Variants in ULK4 observed in about 807,000 individuals in gnomAD.
The protein encoded by ULK4 is unc-51 like kinase 4.
In ULK4, 133 loss-of-function variants were observed where a neutral mutation model predicts 160.6. The observed-to-expected ratio is 0.83, with a 90% confidence interval of 0.72 to 0.96. The LOEUF is 0.96. Among genes scored for constraint, ULK4 ranks in the 40% least tolerant of loss-of-function variants. The pLI is 0.00. For synonymous variants in ULK4, 534 were observed against 539.8 expected (o/e 0.99, Z 0.15); for missense variants, 1,580 against 1,499.5 (o/e 1.05, Z -0.89).
chr3:41,506,767 A>AAAAAAAAAAAAAAAAAAAT lies in ULK4; in HGVS notation c.3227-43515_3227-43514insATTTTTTTTTTTTTTTTTT. On this transcript the variant is annotated intron_variant, in intron 32 of 36. Transcript: ENST00000301831. ...AGCAATACACTGGAGTGTGATTTAA[A>AAAAAAAAAAAAAAAAAAAT]ATATATATATATATATATATATATA... Among the ~76,000 whole-genome samples, 170 of 56,784 alleles carry AAAAAAAAAAAAAAAAAAAT rather than the reference A, an allele frequency of 3.0e-3. 21 individuals are homozygous for AAAAAAAAAAAAAAAAAAAT. The highest frequency in any genetic ancestry group is 0.01 in the Middle Eastern group (1 of 98). The allele number at this position is 56,784 out of a possible 152,430, so 37.3% of individuals were successfully genotyped here.
chr3:41,858,278 G>A (rs1248551966), intron 17 of ULK4, among the ~76,000 whole-genome samples: 3 of 148,582 alleles, frequency 2.0e-5, no homozygotes, highest in African/African-American at 4.9e-5. Flanking sequence ...CAGCCTCCCA[G>A]GTAGCTGGAA....
At chr3:41,953,492 G>A (rs142839172) in intron 2 of ULK4, among the ~76,000 whole-genome samples, 18,965 of 151,282 alleles carry the variant, frequency 0.13, 1,371 homozygotes, top group Middle Eastern at 0.27. Flanking sequence ...TAGTAGAGAC[G>A]GGGTTTCCCC....
At chr3:41,387,801 C>G (rs2081854805) in intron 35 of ULK4, among the ~76,000 whole-genome samples, 1 of 152,192 alleles carries the variant, frequency 6.6e-6, no homozygotes, top group African/African-American at 2.4e-5. Context: ...GGTTCCAAGT[C>G]TCTGCTATTG....
At chr3:41,786,112 C>G (rs2039990526) in intron 21 of ULK4, among the ~76,000 whole-genome samples, 1 of 152,194 alleles carries the variant, frequency 6.6e-6, no homozygotes, top group South Asian at 2.1e-4. Context: ...AACAGTCACT[C>G]TATCACATAC....
At chr3:41,336,493 T>C (rs1465411775) in intron 35 of ULK4, among the ~76,000 whole-genome samples, 1 of 152,162 alleles carries the variant, frequency 6.6e-6, no homozygotes, top group East Asian at 1.9e-4. Flanking sequence ...GAAGTCTACT[T>C]CTCCTCACTG....
At chr3:41,724,208 C>T (rs1484284990) in intron 22 of ULK4, among the ~76,000 whole-genome samples, 1 of 152,076 alleles carries the variant, frequency 6.6e-6, no homozygotes, top group Admixed American at 6.5e-5. Flanking sequence ...TTTACTTACT[C>T]GTTTTGTTGT....
chr3:41,372,178 C>G (rs1430864094), intron 35 of ULK4, among the ~76,000 whole-genome samples: 1 of 152,012 alleles, frequency 6.6e-6, no homozygotes, highest in Non-Finnish European at 1.5e-5. Context: ...ATTGGTGTAC[C>G]TGAAAGCGAT....
intron 30 of ULK4, among the ~76,000 whole-genome samples, chr3:41,654,823 T>C (rs1020164678): frequency 2.0e-5 from 3 of 152,128 alleles, no homozygotes; most frequent in East Asian, 3.8e-4. Context: ...AAGAGCTCAG[T>C]CCCCACTAGA....
At chr3:41,289,367 G>A (rs1414810440) in intron 35 of ULK4, among the ~76,000 whole-genome samples, 2 of 152,186 alleles carry the variant, frequency 1.3e-5, no homozygotes, top group Non-Finnish European at 2.9e-5. Flanking sequence ...CCCCAAGGCT[G>A]ACTCTGTCTA....
intron 32 of ULK4, among the ~76,000 whole-genome samples, chr3:41,463,459 G>T (rs1431880343): frequency 1.3e-5 from 2 of 152,178 alleles, no homozygotes; most frequent in African/African-American, 4.8e-5. Flanking sequence ...GAAAATACTT[G>T]TTAAAGAAGT....
At chr3:41,828,504 AACAG>A (rs1250911758) in intron 18 of ULK4, among the ~76,000 whole-genome samples, 1 of 135,398 alleles carries the variant, frequency 7.4e-6, no homozygotes, top group African/African-American at 3.2e-5. Flanking sequence ...ATACACCAAT[AACAG>A]ACAGAGAGCC....
intron 31 of ULK4, among the ~76,000 whole-genome samples, chr3:41,588,896 T>G (rs1019382444): frequency 1.3e-5 from 2 of 152,192 alleles, no homozygotes; most frequent in Non-Finnish European, 2.9e-5. Flanking sequence ...ACTCAATCGC[T>G]ATTTCCATTT....
chr3:41,564,278 T>G (rs1468949996), intron 32 of ULK4, among the ~76,000 whole-genome samples: 1 of 151,754 alleles, frequency 6.6e-6, no homozygotes, highest in Non-Finnish European at 1.5e-5. Context: ...GGTACCTGCT[T>G]GTATGAGGTG....
intron 32 of ULK4, among the ~76,000 whole-genome samples, chr3:41,553,887 G>T (rs534626916): frequency 3.3e-4 from 50 of 151,886 alleles, no homozygotes; most frequent in South Asian, 6.2e-4. Context: ...TTTTATTATA[G>T]CCACCCTGTT....
At chr3:41,951,378 C>T (rs575324659) in intron 2 of ULK4, among the ~76,000 whole-genome samples, 2 of 147,674 alleles carry the variant, frequency 1.4e-5, no homozygotes, top group Non-Finnish European at 3.0e-5. Context: ...GTATGTCAAA[C>T]GGCCAAAACA....
chr3:41,723,722 T>G, intron 22 of ULK4, among the ~76,000 whole-genome samples: 1 of 152,138 alleles, frequency 6.6e-6, no homozygotes, highest in East Asian at 1.9e-4. Context: ...ATAAAAACCA[T>G]CTGGACTGAG....
chr3:41,546,028 T>A (rs991207594), intron 32 of ULK4, among the ~76,000 whole-genome samples: 5 of 152,208 alleles, frequency 3.3e-5, no homozygotes, highest in African/African-American at 1.2e-4. Flanking sequence ...TGAATATATT[T>A]GTAATAGTTT....
chr3:41,485,014 A>G (rs1348466334), intron 32 of ULK4, among the ~76,000 whole-genome samples: 1 of 152,212 alleles, frequency 6.6e-6, no homozygotes, highest in African/African-American at 2.4e-5. Flanking sequence ...TAATGTAAAG[A>G]AAAAGTAATA....
At chr3:41,747,566 A>G (rs1392406004) in intron 22 of ULK4, among the ~76,000 whole-genome samples, 5 of 152,258 alleles carry the variant, frequency 3.3e-5, no homozygotes, top group African/African-American at 1.2e-4. Context: ...CCCAAAATTC[A>G]TATGTTGAAG....
Sources: allele counts gnomAD v4.1 joint callset (sites outside exome capture counted in the v4.1 genomes callset), GRCh38; gene constraint gnomAD v4.1.1; transcripts MANE v1.5; gene names NCBI Gene and HGNC (gene_info 2026-07-23, HGNC 2026-07-21).